SH3GLB2: variants seen among roughly 807,000 people sequenced by gnomAD.
SH3GLB2 encodes the protein SH3 domain containing GRB2 like, endophilin B2.
SH3GLB2 carries 24 observed loss-of-function variants against 48.0 expected under a neutral mutation model. That is an observed-to-expected ratio of 0.50 (90% confidence interval 0.36 to 0.70). SH3GLB2 has a LOEUF of 0.70. Ranked by LOEUF, SH3GLB2 falls within the 30% of genes least tolerant of loss-of-function variation. SH3GLB2 has a pLI of 0.00. For synonymous variants in SH3GLB2, 227 were observed against 207.6 expected, an observed-to-expected ratio of 1.09 and a Z score of -0.80; for missense variants, 425 against 516.0, an observed-to-expected ratio of 0.82 and a Z score of 1.71.
At chr9:129,010,587 C>T (rs1407153120) in intron 7 of SH3GLB2, 83 bp downstream of exon 7, 1 of 1,511,016 alleles carries the variant, frequency 6.6e-7, no homozygotes, top group Non-Finnish European at 9.2e-7. Flanking sequence ...GAGTGAGAAA[C>T]AGATCAGACC....
At chr9:129,025,884 C>T (rs1405247988) in intron 1 of SH3GLB2, among the ~76,000 whole-genome samples, 1 of 151,804 alleles carries the variant, frequency 6.6e-6, no homozygotes. Flanking sequence ...TCCATGATGA[C>T]GATGCCACCA....
intron 3 of SH3GLB2, among the ~76,000 whole-genome samples, chr9:129,019,531 C>T (rs1843648388): frequency 6.6e-6 from 1 of 151,362 alleles, no homozygotes; most frequent in African/African-American, 2.4e-5. Flanking sequence ...CATGGTGAAA[C>T]CCGGTCTCTG....
intron 1 of SH3GLB2, 149 bp downstream of exon 1, chr9:129,027,943 A>AAGGGCTC (rs903752126): frequency 4.2e-4 from 297 of 701,010 alleles, no homozygotes; most frequent in Admixed American, 7.8e-4. Flanking sequence ...TCCGGTCAGC[A>AAGGGCTC]AGGGCTCAGG....
intron 6 of SH3GLB2, chr9:129,010,902 G>A: frequency 1.7e-6 from 1 of 605,748 alleles, no homozygotes; most frequent in East Asian, 2.8e-5. Flanking sequence ...GCCTCATGCA[G>A]GAGGGGAGCA....
chr9:129,013,259 T>C (rs1050374747), intron 5 of SH3GLB2: 10 of 544,308 alleles, frequency 1.8e-5, no homozygotes, highest in African/African-American at 3.8e-5. Context: ...AAGTCCTAGC[T>C]CTGGAAAGGT....
intron 6 of SH3GLB2, 144 bp from the exon 7 acceptor site, chr9:129,010,837 TG>T: frequency 9.8e-7 from 1 of 1,016,498 alleles, no homozygotes. Flanking sequence ...GAGCTGAGAC[TG>T]GGCCGAGGCC....
intron 6 of SH3GLB2, chr9:129,010,932 A>T: frequency 1.7e-6 from 1 of 580,670 alleles, no homozygotes; most frequent in Non-Finnish European, 3.1e-6. Context: ...AGTCCTGCTT[A>T]TATTTCTCCT....
Position 129,009,753 on chromosome 9 carries a change from G to T in SH3GLB2, c.839+18C>A. On this transcript the variant is annotated intron_variant, in intron 9 of 10. Coordinates refer to ENST00000372564, the MANE Select transcript of SH3GLB2 (RefSeq NM_020145.4). ...GAGCCAGGGGGCCCCAGTGGGTTCA[G>T]CAGTGCTGGCCCCGCACCTGCCCAG... 1 of 1,603,432 alleles carries T rather than the reference G, an allele frequency of 6.2e-7. No homozygotes were observed. Among genetic ancestry groups the T allele is most frequent in the Admixed American group, 1.7e-5 (1 of 58,342 alleles).
intron 9 of SH3GLB2, 200 bp from the exon 10 acceptor site, chr9:129,009,546 C>G: frequency 1.3e-6 from 2 of 1,547,404 alleles, no homozygotes; most frequent in Middle Eastern, 2.3e-4. Flanking sequence ...CCTCCCCACC[C>G]AGGCATTCCC....
chr9:129,025,818 C>T (rs1844129773), intron 1 of SH3GLB2, among the ~76,000 whole-genome samples: 1 of 142,936 alleles, frequency 7.0e-6, no homozygotes, highest in Non-Finnish European at 1.5e-5. Flanking sequence ...AGAAGTTCTA[C>T]CAGGCTTTCC....
chr9:129,017,523 G>A (rs918982983), intron 3 of SH3GLB2, among the ~76,000 whole-genome samples: 1 of 151,996 alleles, frequency 6.6e-6, no homozygotes, highest in Non-Finnish European at 1.5e-5. Context: ...CAGCACTTTG[G>A]GAGGCTAAGG....
chr9:129,015,479 T>C lies in SH3GLB2; in HGVS notation c.335-575A>G, dbSNP rs375113694. Reference sequence around the variant, plus strand: ...GGCTGGATGCTGTGGCTCACACCTGTAATCTCAGCACTTTGGAAAACCAAG... The same window carrying C: ...GGCTGGATGCTGTGGCTCACACCTGCAATCTCAGCACTTTGGAAAACCAAG... On this transcript the variant is annotated intron_variant, in intron 3 of 10. Transcript: ENST00000372564. Among the ~76,000 whole-genome samples, 6 of 152,196 alleles carry C rather than the reference T, an allele frequency of 3.9e-5. No individual in the cohort carries two copies. The East Asian group carries it at 7.7e-4, about 19-fold the overall frequency.
At chr9:129,018,543 C>G (rs1843585744) in intron 3 of SH3GLB2, among the ~76,000 whole-genome samples, 1 of 150,124 alleles carries the variant, frequency 6.7e-6, no homozygotes, top group South Asian at 2.1e-4. Flanking sequence ...CGCCACTGCA[C>G]TCCAGCCTAG....
At position 129,022,274 on chromosome 9, in the gene SH3GLB2, G is replaced by A. The variant is rs377137977; in HGVS notation, c.205+8C>T. 5.6e-6 allele frequency: 9 copies of A among 1,612,944 alleles called. No homozygotes were observed. The highest frequency in any genetic ancestry group is 4.5e-5 in the East Asian group (2 of 44,848). ...CATCCCTCCCCGGGCCCACGAACAC[G>A]CACTCACTGGGGTTGGGCTGCAGCA... On this transcript the variant is annotated splice_region_variant and intron_variant, in intron 2 of 10. Transcript: ENST00000372564.
rs1588303463 is a variant in SH3GLB2 at position 129,008,487 on chromosome 9, T to G, written c.*197A>C. 1 of 546,756 alleles carries G rather than the reference T, an allele frequency of 1.8e-6. No individual in the cohort carries two copies. Among genetic ancestry groups the G allele is most frequent in the Non-Finnish European group, 3.3e-6 (1 of 299,206 alleles). The allele number at this position is 546,756 out of a possible 1,614,324, so 33.9% of individuals were successfully genotyped here. On this transcript the variant is annotated 3_prime_UTR_variant, in exon 11 of 11. Coordinates refer to ENST00000372564, the MANE Select transcript of SH3GLB2 (RefSeq NM_020145.4). ...GGGGCAGGGGCTCCAGAGCCACAGG[T>G]CAGAAGCAGGGCTGGGGGAGGGGTG...
rs556441776 is a variant in SH3GLB2, at chr9:129,007,818, A to G, written c.*866T>C. On this transcript the variant is annotated 3_prime_UTR_variant, in exon 11 of 11. Coordinates refer to ENST00000372564, the MANE Select transcript of SH3GLB2 (RefSeq NM_020145.4). ...TTAGGAAACTTTTTCTTAGGAATAA[A>G]ACGTTCCTTGTGCGGCTTCATGTCC... The G allele has an allele frequency of 6.6e-6, 1 of 152,336 alleles. No homozygotes were observed. Among genetic ancestry groups the G allele is most frequent in the Non-Finnish European group, 1.5e-5 (1 of 68,038 alleles). The allele number at this position is 152,336 out of a possible 1,614,324, so 9.4% of individuals were successfully genotyped here. A position where few individuals can be genotyped will look rare whatever the true frequency, so the allele number is the denominator to read the frequency against.
chr9:129,011,030 TG>T lies in SH3GLB2; in HGVS notation c.625-338del. 2.7e-6 allele frequency: 1 copy of T among 374,792 alleles called. No homozygotes were observed. The highest frequency in any genetic ancestry group is 4.1e-5 in the South Asian group (1 of 24,382). 23.2% of individuals were successfully genotyped at this position (374,792 alleles called of 1,614,324 possible). On this transcript the variant is annotated intron_variant, in intron 6 of 10. Transcript: ENST00000372564. This position sits in a 1 kb window ranked among gnomAD's most constrained non-coding sequence, Gnocchi z 4.5. ...TGACTGCTGGCTCAGGCTGCTGGGCTGGGCGGCAGAACTGTGTGACCCTGGG... is the reference window on the plus strand; with the variant it reads ...TGACTGCTGGCTCAGGCTGCTGGGCTGGCGGCAGAACTGTGTGACCCTGGG...
chr9:129,014,853 T>G lies in SH3GLB2; in HGVS notation c.386A>C (p.Glu129Ala), dbSNP rs1268395764. The G allele has an allele frequency of 6.2e-7, 1 of 1,613,966 alleles. No individual in the cohort carries two copies. Among genetic ancestry groups the G allele is most frequent in the South Asian group, 1.1e-5 (1 of 91,080 alleles). The change falls in exon 4 of 11, where the codon GAG becomes GCG. Residue 129 changes from glutamate to alanine, a missense_variant. Glu to Ala is a moderately radical substitution (Grantham distance 107). Coordinates refer to ENST00000372564, the MANE Select transcript of SH3GLB2 (RefSeq NM_020145.4). The surrounding 1 kb of genome is among the most constrained non-coding windows in gnomAD (Gnocchi z 4.1). ...GGAGGCCGTGTGGATAAAATCCCTC[T>G]CCGCGGCTCCCAGTTGCTTTTCAGC... is the stretch of plus-strand genomic sequence containing the variant. ...AEAEKQLGAAERDFIHTASIS... is the reference protein window; with the variant it reads ...AEAEKQLGAAARDFIHTASIS...
rs1249707065 is a variant in SH3GLB2, at chr9:129,009,164, C to T, written c.1022G>A (p.Arg341Gln). 13 of 1,611,714 alleles carry T rather than the reference C, an allele frequency of 8.1e-6. No homozygotes were observed. Among genetic ancestry groups the T allele is most frequent in the South Asian group, 2.2e-5 (2 of 91,014 alleles). ...GGCTGCCTCGTAGTCATAGAGCACC[C>T]GAGCTTTGCGGGTCCCACTGGCAGG... is the stretch of plus-strand genomic sequence containing the variant. ...APPASGTRKARVLYDYEAADS... is the reference protein window; with the variant it reads ...APPASGTRKAQVLYDYEAADS... The change falls in exon 10 of 11, where the codon CGG becomes CAG. Residue 341 changes from arginine (R) to glutamine (Q), a missense_variant. Arg to Gln is a conservative substitution (Grantham distance 43). Transcript: ENST00000372564.
Sources: allele counts gnomAD v4.1 joint callset (sites outside exome capture counted in the v4.1 genomes callset), GRCh38; gene constraint gnomAD v4.1.1; non-coding constraint Gnocchi (gnomAD v3.1); transcripts MANE v1.5; gene names NCBI Gene and HGNC (gene_info 2026-07-23, HGNC 2026-07-21).